The following TUG1 variants were observed in gnomAD, a reference collection of about 807,000 sequenced individuals.
TUG1 encodes the protein taurine up-regulated 1.
At chr22:30,971,381 T>G (rs1329205995) in exon 1 of TUG1, 1 of 152,556 alleles carries the variant, frequency 6.6e-6, no homozygotes, top group Admixed American at 6.5e-5. Flanking sequence ...GATGCTTTCC[T>G]CAGCAGAAAG....
exon 3 of TUG1, chr22:30,977,765 A>C (rs2147373214): frequency 6.6e-6 from 1 of 152,272 alleles, no homozygotes; most frequent in Non-Finnish European, 1.5e-5. Context: ...AGTCAATTTC[A>C]GTCTATCTTG....
exon 1 of TUG1, chr22:30,970,226 C>G (rs1293455421): frequency 1.3e-5 from 2 of 152,118 alleles, no homozygotes; most frequent in African/African-American, 4.8e-5. Context: ...TGATCCATCG[C>G]TAGCAAGTTT....
intron 2 of TUG1, chr22:30,974,706 C>T (rs2041269195): frequency 6.6e-6 from 1 of 152,162 alleles, no homozygotes; most frequent in African/African-American, 2.4e-5. Context: ...AAAGTTAATT[C>T]ACCCCAAATT....
chr22:30,978,388 ACTT>A (rs2041313640), exon 3 of TUG1: 1 of 152,170 alleles, frequency 6.6e-6, no homozygotes, highest in Admixed American at 6.5e-5. Flanking sequence ...TTACCATTCA[ACTT>A]CTTAAGCAGA....
At chr22:30,973,708 G>C (rs1345338951) in intron 2 of TUG1, 121 bp downstream of exon 2, 1 of 152,106 alleles carries the variant, frequency 6.6e-6, no homozygotes, top group African/African-American at 2.4e-5. Flanking sequence ...TTGGAAATGA[G>C]GGAATGTAAA....
At chr22:30,969,431 G>T in exon 1 of TUG1, 1 of 152,550 alleles carries the variant, frequency 6.6e-6, no homozygotes. Flanking sequence ...CGATCGGTTG[G>T]CGGCTCTTTC....
At chr22:30,977,018 C>T (rs149376213) in exon 3 of TUG1, 2 of 152,052 alleles carry the variant, frequency 1.3e-5, no homozygotes, top group African/African-American at 4.8e-5. Flanking sequence ...TTTTTTTCCT[C>T]TCTGGTTTTT....
chr22:30,972,632 G>A (rs568370514), intron 1 of TUG1: 9 of 152,712 alleles, frequency 5.9e-5, no homozygotes, highest in East Asian at 3.9e-4. Flanking sequence ...GCTGCTTCGC[G>A]AGACAGTTCC....
exon 3 of TUG1, chr22:30,979,017 C>T (rs2041319880): frequency 6.6e-6 from 1 of 151,452 alleles, no homozygotes; most frequent in Admixed American, 6.6e-5. Flanking sequence ...ATTTAAGATC[C>T]CACAGAAGCG....
chr22:30,976,481 G>A (rs979456470), exon 3 of TUG1: 1 of 152,168 alleles, frequency 6.6e-6, no homozygotes, highest in East Asian at 1.9e-4. Context: ...GATTTTATCG[G>A]TAGACTTAAG....
chr22:30,969,620 C>T, exon 1 of TUG1: 1 of 152,698 alleles, frequency 6.5e-6, no homozygotes, highest in South Asian at 1.8e-4. Flanking sequence ...AGCTGCTCCG[C>T]CCCGCTCCGG....
Position 30,970,580 on chromosome 22 carries a change from A to G in TUG1, c.*762A>G, listed in dbSNP as rs1286858769. On this transcript the variant is annotated 3_prime_UTR_variant, in exon 1 of 3. Transcript: ENST00000644773. ...GCCTATTTTATCCTTTGGCCCGTCAACTCTGTTATCTGCTGCTTGTACTGG... is the reference window on the plus strand; with the variant it reads ...GCCTATTTTATCCTTTGGCCCGTCAGCTCTGTTATCTGCTGCTTGTACTGG... 2.0e-5 allele frequency: 3 copies of G among 152,042 alleles called. No individual in the cohort carries two copies. The East Asian group carries it at 5.8e-4, about 29-fold the overall frequency. The allele number at this position is 152,042 out of a possible 1,614,324, so 9.4% of individuals were successfully genotyped here.
At chr22:30,977,295 GTAA>G (rs2041299868) in exon 3 of TUG1, 5 of 152,162 alleles carry the variant, frequency 3.3e-5, no homozygotes, top group Non-Finnish European at 7.3e-5. Context: ...TGACTTGCTT[GTAA>G]GATGATTCTC....
exon 3 of TUG1, chr22:30,976,849 T>C (rs1027934334): frequency 6.6e-6 from 1 of 152,236 alleles, no homozygotes; most frequent in African/African-American, 2.4e-5. Context: ...ATTACATGAC[T>C]CGACTCTACA....
At chr22:30,973,795 A>G (rs2041256280) in intron 2 of TUG1, 1 of 152,196 alleles carries the variant, frequency 6.6e-6, no homozygotes, top group African/African-American at 2.4e-5. Context: ...CACCCAGTCC[A>G]GTACTCTCCT....
At chr22:30,970,233 G>A (rs1035975853) in exon 1 of TUG1, 6 of 152,170 alleles carry the variant, frequency 3.9e-5, no homozygotes, top group African/African-American at 1.4e-4. Context: ...TCGCTAGCAA[G>A]TTTTCCAAGG....
chr22:30,978,035 G>A (rs1245370105), exon 3 of TUG1: 2 of 152,212 alleles, frequency 1.3e-5, no homozygotes, highest in Admixed American at 1.3e-4. Context: ...GCAGAAATGA[G>A]TCCGATTCAC....
exon 3 of TUG1, chr22:30,975,225 T>C (rs921557207): frequency 1.3e-5 from 2 of 152,248 alleles, no homozygotes; most frequent in African/African-American, 4.8e-5. Context: ...TTTGTGGCCA[T>C]GAAGCCCTTT....
chr22:30,974,439 T>C (rs192260268), intron 2 of TUG1: 16 of 152,314 alleles, frequency 1.1e-4, no homozygotes, highest in Admixed American at 9.2e-4. Context: ...AGGATATTTT[T>C]TTGCATCATT....
Sources: gnomAD v4.1 joint callset for allele counts on GRCh38, gnomAD v4.1.1 for gene constraint, MANE v1.5 for transcripts, NCBI Gene and HGNC (gene_info 2026-07-23, HGNC 2026-07-21) for gene names.